Variants in TRO observed in about 807,000 individuals in gnomAD.
TRO encodes the protein MAGE superfamily protein.
A neutral mutation model predicts 42.3 loss-of-function variants in TRO; 29 were observed. That is an observed-to-expected ratio of 0.68 (90% confidence interval 0.51 to 0.93). The LOEUF is 0.93. TRO is among the 40% of genes least tolerant of loss of function. The pLI is 0.00. For synonymous variants in TRO, 384 were observed against 425.2 expected (o/e 0.90, Z 1.19); for missense variants, 963 against 1,127.7 (o/e 0.85, Z 2.09).
Position 54,927,129 on chromosome X carries a change from C to T in TRO, c.1763+24C>T, listed in dbSNP as rs773140285. ...AAGTAAGTGGTGTTTGGGGCTTTGT[C>T]TGGCCCTGAAGTGTTCTGGGTATAC... On this transcript the variant is annotated intron_variant, in intron 10 of 12. Coordinates refer to ENST00000173898, the MANE Select transcript of TRO (RefSeq NM_001039705.3). 2.5e-6 allele frequency: 3 copies of T among 1,206,904 alleles called. No individual in the cohort carries two copies. The African/African-American group carries it at 5.3e-5, about 21-fold the overall frequency.
At position 54,923,130 on chromosome X, in the gene TRO, A is replaced by T. The variant is rs909947910; in HGVS notation, c.598A>T (p.Ile200Phe). The change falls in exon 3 of 13, where the codon ATC becomes TTC. Residue 200 changes from isoleucine to phenylalanine, a missense_variant. By Grantham distance (21) the Ile-to-Phe change is conservative. Around this residue, in one of 2 missense-constraint regions of TRO, gnomAD observed 322 missense variants for 316.5 expected, o/e 1.02. Coordinates refer to ENST00000173898, the MANE Select transcript of TRO (RefSeq NM_001039705.3). ...CAGTTCCCAAGCCTTGATAACCTCT[A>T]TCAAGCCTAAGAAAGCTTCCAAGGC... Reference protein sequence around the residue: ...SASSQALITSIKPKKASKAKK... With the variant: ...SASSQALITSFKPKKASKAKK... 8.3e-7 allele frequency: 1 copy of T among 1,211,775 alleles called. No individual in the cohort carries two copies. The highest frequency in any genetic ancestry group is 2.2e-5 in the Admixed American group (1 of 46,040).
rs759120949 is a variant in TRO at position 54,922,267 on chromosome X, C to T, written c.21C>T (p.Tyr7=). 1 of 1,209,220 alleles carries T rather than the reference C, an allele frequency of 8.3e-7. No homozygotes were observed. The highest frequency in any genetic ancestry group is 1.1e-6 in the Non-Finnish European group (1 of 894,460). Residue 7 remains tyrosine, a synonymous_variant, in exon 2 of 13, where the codon TAC becomes TAT. Transcript: ENST00000173898. MDRRND[Y]GYRVPLFQGP... ...GAAAGATGGATAGGAGAAATGACTA[C>T]GGATATAGGGTGCCTCTATTTCAGG... is the stretch of plus-strand genomic sequence containing the variant.
rs767529774 is a variant in TRO at position 54,923,562 on chromosome X, C to T, written c.1030C>T (p.Arg344Trp). 51 of 1,193,420 alleles carry T rather than the reference C, an allele frequency of 4.3e-5. No homozygotes were observed. Among genetic ancestry groups the T allele is most frequent in the South Asian group, 1.1e-4 (6 of 54,773 alleles). ...TLRVKRGSRA[R>W]KAATKARATE... Reference sequence around the variant, plus strand: ...GCGGGTCAAGAGAGGGTCTAGGGCTCGGAAGGCTGCCACTAAGGCTCGGGC... The same window carrying T: ...GCGGGTCAAGAGAGGGTCTAGGGCTTGGAAGGCTGCCACTAAGGCTCGGGC... The change falls in exon 3 of 13, where the codon CGG becomes TGG. Residue 344 changes from arginine to tryptophan, a missense_variant. Coordinates refer to ENST00000173898, the MANE Select transcript of TRO (RefSeq NM_001039705.3).
Position 54,929,315 on chromosome X carries a change from G to C in TRO, c.2591G>C (p.Ser864Thr). 3.3e-6 allele frequency: 4 copies of C among 1,212,310 alleles called. No homozygotes were observed. Among genetic ancestry groups the C allele is most frequent in the Non-Finnish European group, 4.5e-6 (4 of 895,591 alleles). Residue 864 changes from serine (S) to threonine (T), a missense_variant, in exon 12 of 13, where the codon AGC (serine) becomes ACC (threonine). Ser to Thr is a moderately conservative substitution (Grantham distance 58). Transcript: ENST00000173898. ...STTAGFSGVL[S>T]TSTSFGSAPT... ...ACGGCTGGCTTTAGTGGTGTACTCAGCACTAGCACCAGCTTTGGCAGTGCA... is the reference window on the plus strand; with the variant it reads ...ACGGCTGGCTTTAGTGGTGTACTCACCACTAGCACCAGCTTTGGCAGTGCA...
intron 2 of TRO, 135 bp downstream of exon 2, chrX:54,922,426 A>G: frequency 4.4e-6 from 4 of 916,787 alleles, no homozygotes; most frequent in Non-Finnish European, 6.0e-6. Context: ...ATGGTGAAGG[A>G]GAGGAGAGGA....
Position 54,930,249 on chromosome X carries a change from C to T in TRO, c.3525C>T (p.Thr1175=). 1 of 1,212,331 alleles carries T rather than the reference C, an allele frequency of 8.2e-7. No homozygotes were observed. Among genetic ancestry groups the T allele is most frequent in the Non-Finnish European group, 1.1e-6 (1 of 895,592 alleles). Residue 1175 remains threonine, a synonymous_variant, in exon 12 of 13, where the codon ACC becomes ACT. Transcript: ENST00000173898. ...TATGCTTTGGTGGCCCTCCTAGCAC[C>T]AGTGCCTGCTTTAGTGGTGCTACCA... ...TNLCFGGPPS[T]SACFSGATSP... is the part of the protein sequence containing the mutation.
At position 54,926,607 on chromosome X, in the gene TRO, A is replaced by T. The variant is rs1362382280; in HGVS notation, c.1682A>T (p.Lys561Met). ...SEAVIWEVLR[K>M]LGLRPGVRHS... ...GCTGTCATCTGGGAGGTGCTGCGCA[A>T]GTTGGGGCTGCGCCCTGGGTATGAC... The change falls in exon 9 of 13, where the codon AAG becomes ATG. Residue 561 changes from lysine (K) to methionine (M), a missense_variant. This residue lies in a region of TRO where 641 missense variants were observed against 811.3 expected (regional missense o/e 0.79). Transcript: ENST00000173898. 8.3e-7 allele frequency: 1 copy of T among 1,209,755 alleles called. No individual in the cohort carries two copies. Among genetic ancestry groups the T allele is most frequent in the Non-Finnish European group, 1.1e-6 (1 of 895,223 alleles).
In TRO at chrX:54,923,354, T is replaced by C; in HGVS notation, c.822T>C (p.His274=). The change falls in exon 3 of 13, where the codon CAT becomes CAC. Residue 274 remains histidine, a synonymous_variant. Transcript: ENST00000173898. ...IAKVINTDTE[H]IEALNVTDAA... is the part of the protein sequence containing the mutation. The stretch of plus-strand genomic sequence containing the variant: ...AGGTCATAAATACTGACACTGAGCA[T>C]ATAGAGGCTCTAAATGTCACTGACG... 8.3e-7 allele frequency: 1 copy of C among 1,208,487 alleles called. No homozygotes were observed. The highest frequency in any genetic ancestry group is 3.0e-5 in the East Asian group (1 of 33,755).
Position 54,930,113 on chromosome X carries a change from G to A in TRO, c.3389G>A (p.Gly1130Asp), listed in dbSNP as rs1428135766. 7 of 1,211,195 alleles carry A rather than the reference G, an allele frequency of 5.8e-6. No individual in the cohort carries two copies. Among genetic ancestry groups the A allele is most frequent in the Non-Finnish European group, 7.8e-6 (7 of 895,307 alleles). ...GGTPSNSIGFGAAPSTSVSFG... is the reference protein window; with the variant it reads ...GGTPSNSIGFDAAPSTSVSFG... ...ACTCCCAGCAACAGCATTGGCTTTG[G>A]TGCTGCTCCCAGCACCAGTGTCAGC... is the stretch of plus-strand genomic sequence containing the variant. The change falls in exon 12 of 13, where the codon GGT (glycine) becomes GAT (aspartate). Residue 1130 changes from glycine to aspartate, a missense_variant. Transcript: ENST00000173898.
rs765236006 is a variant in TRO at position 54,923,081 on chromosome X, C to T, written c.549C>T (p.His183=). The T allele has an allele frequency of 2.7e-5, 33 of 1,210,328 alleles. No homozygotes were observed. The highest frequency in any genetic ancestry group is 7.0e-5 in the African/African-American group (4 of 57,246). ...LKLPVISQNI[H]APIANESASS... ...TACCAGTCATCTCACAGAATATTCA[C>T]GCTCCAATTGCCAATGAGTCAGCCA... The change falls in exon 3 of 13, where the codon CAC becomes CAT. Residue 183 remains histidine (H), a synonymous_variant. Transcript: ENST00000173898.
At position 54,929,908 on chromosome X, in the gene TRO, G is replaced by A; in HGVS notation, c.3184G>A (p.Ala1062Thr). 8.3e-7 allele frequency: 1 copy of A among 1,211,527 alleles called. No individual in the cohort carries two copies. The highest frequency in any genetic ancestry group is 1.1e-6 in the Non-Finnish European group (1 of 895,239). The stretch of plus-strand genomic sequence containing the variant: ...CAGCACCAGTGCTGGCTTTGGTGGT[G>A]CACTCAACACCAATGCCAGCTTTGG... ...SPSTSAGFGG[A>T]LNTNASFGCA... The change falls in exon 12 of 13, where the codon GCA (alanine) becomes ACA (threonine). Residue 1062 changes from alanine (A) to threonine (T), a missense_variant. Ala to Thr is a moderately conservative substitution (Grantham distance 58, BLOSUM62 0). Transcript: ENST00000173898.
At position 54,924,492 on chromosome X, in the gene TRO, C is replaced by T; in HGVS notation, c.1278C>T (p.Tyr426=). ...LNGDERSGSN[Y]RRIPWGRRPA... is the part of the protein sequence containing the mutation. The stretch of plus-strand genomic sequence containing the variant: ...GGGATGAGAGAAGTGGCAGTAATTA[C>T]AGGCGGATCCCATGGGGCCGGAGGC... The change falls in exon 4 of 13, where the codon TAC becomes TAT. Residue 426 remains tyrosine (Y), a synonymous_variant. Transcript: ENST00000173898. 2.5e-6 allele frequency: 3 copies of T among 1,208,923 alleles called. No individual in the cohort carries two copies. Among genetic ancestry groups the T allele is most frequent in the Non-Finnish European group, 3.4e-6 (3 of 894,291 alleles).
rs1339022373 is a variant in TRO at position 54,922,918 on chromosome X, C to T, written c.386C>T (p.Ala129Val). 2 of 1,211,816 alleles carry T rather than the reference C, an allele frequency of 1.7e-6. No homozygotes were observed. The highest frequency in any genetic ancestry group is 2.2e-6 in the Non-Finnish European group (2 of 895,532). Residue 129 changes from alanine to valine, a missense_variant, in exon 3 of 13, where the codon GCT (alanine) becomes GTT (valine). Coordinates refer to ENST00000173898, the MANE Select transcript of TRO (RefSeq NM_001039705.3). ...ACCACTGAGGTAACCAATACTCAGG[C>T]TTCTTCAGTCACTGCTCAGCCTAAG... ...LPTTEVTNTQ[A>V]SSVTAQPKKA...
Position 54,930,398 on chromosome X carries a change from C to T in TRO, c.3674C>T (p.Thr1225Ile). 2 of 1,212,214 alleles carry T rather than the reference C, an allele frequency of 1.6e-6. No individual in the cohort carries two copies. Among genetic ancestry groups the T allele is most frequent in the Non-Finnish European group, 2.2e-6 (2 of 895,574 alleles). The change falls in exon 12 of 13, where the codon ACC (threonine) becomes ATC (isoleucine). Residue 1225 changes from threonine (T) to isoleucine (I), a missense_variant. Physicochemically the swap from Thr to Ile is moderately conservative, Grantham distance 89 (BLOSUM62 -1). This residue lies in a region of TRO where 641 missense variants were observed against 811.3 expected (regional missense o/e 0.79). Transcript: ENST00000173898. Reference protein sequence around the residue: ...TSAGFGGGLGTSAGFSGGLST... With the variant: ...TSAGFGGGLGISAGFSGGLST... ...GCTGGCTTTGGTGGTGGCCTAGGCA[C>T]CAGTGCTGGCTTCAGTGGTGGCCTA...
Position 54,927,572 on chromosome X carries a change from G to C in TRO, c.1764-95G>C, listed in dbSNP as rs758769906. Reference sequence around the variant, plus strand: ...TCTTAGAAATCCCTCTCCAGGGGCTGTTTGTATTTGTTTGGAGGAGGTTGC... The same window carrying C: ...TCTTAGAAATCCCTCTCCAGGGGCTCTTTGTATTTGTTTGGAGGAGGTTGC... On this transcript the variant is annotated intron_variant, in intron 10 of 12. Coordinates refer to ENST00000173898, the MANE Select transcript of TRO (RefSeq NM_001039705.3). The C allele has an allele frequency of 6.7e-6, 4 of 592,809 alleles. No homozygotes were observed. The East Asian group carries it at 1.4e-4, about 21-fold the overall frequency. 48.9% of individuals were successfully genotyped at this position (592,809 alleles called of 1,213,427 possible). A position where few individuals can be genotyped will look rare whatever the true frequency, so the allele number is the denominator to read the frequency against.
Position 54,929,922 on chromosome X carries a change from T to C in TRO, c.3198T>C (p.Asn1066=), listed in dbSNP as rs1239195359. The change falls in exon 12 of 13, where the codon AAT becomes AAC. Residue 1066 remains asparagine (N), a synonymous_variant. Coordinates refer to ENST00000173898, the MANE Select transcript of TRO (RefSeq NM_001039705.3). ...SAGFGGALNT[N]ASFGCAVSTS... ...GCTTTGGTGGTGCACTCAACACCAA[T>C]GCCAGCTTTGGCTGTGCCGTCAGCA... 8.3e-7 allele frequency: 1 copy of C among 1,208,421 alleles called. No individual in the cohort carries two copies. Among genetic ancestry groups the C allele is most frequent in the Admixed American group, 2.2e-5 (1 of 45,847 alleles).
At position 54,923,213 on chromosome X, in the gene TRO, T is replaced by A; in HGVS notation, c.681T>A (p.Thr227=). 8.3e-7 allele frequency: 1 copy of A among 1,211,365 alleles called. No individual in the cohort carries two copies. Among genetic ancestry groups the A allele is most frequent in the Non-Finnish European group, 1.1e-6 (1 of 895,427 alleles). ...CCACCGAGGTCTCGCTGGCTGCAAC[T>A]GCCACCCATACAGCTACCACCCAAG... ...ASATEVSLAA[T]ATHTATTQGQ... Residue 227 remains threonine (T), a synonymous_variant, in exon 3 of 13, where the codon ACT becomes ACA. Coordinates refer to ENST00000173898, the MANE Select transcript of TRO (RefSeq NM_001039705.3).
rs1163420102 is a variant in TRO at position 54,922,873 on chromosome X, A to G, written c.341A>G (p.Gln114Arg). 1 of 1,211,654 alleles carries G rather than the reference A, an allele frequency of 8.3e-7. No homozygotes were observed. Among genetic ancestry groups the G allele is most frequent in the Non-Finnish European group, 1.1e-6 (1 of 895,400 alleles). ...GCTTTAAACCTGCCAGTCATTACCC[A>G]GATCAGCCAGGCTTTACCTACCACT... Reference protein sequence around the residue: ...WQALNLPVITQISQALPTTEV... With the variant: ...WQALNLPVITRISQALPTTEV... The change falls in exon 3 of 13, where the codon CAG (glutamine) becomes CGG (arginine). Residue 114 changes from glutamine (Q) to arginine (R), a missense_variant. Around this residue, in one of 2 missense-constraint regions of TRO, gnomAD observed 322 missense variants for 316.5 expected, o/e 1.02. Transcript: ENST00000173898.
At position 54,926,658 on chromosome X, in the gene TRO, G is replaced by A. The variant is rs780982388; in HGVS notation, c.1700+33G>A. ...TGGGCTCTCTCAGCGCTTGCTGTCC[G>A]TGTTGTCCTTTGGCAAGAGAGGATG... On this transcript the variant is annotated intron_variant, in intron 9 of 12. Coordinates refer to ENST00000173898, the MANE Select transcript of TRO (RefSeq NM_001039705.3). 2.8e-5 allele frequency: 34 copies of A among 1,208,712 alleles called. No individual in the cohort carries two copies. The Admixed American group carries it at 3.3e-4, about 12-fold the overall frequency.
Sources: allele counts gnomAD v4.1 joint callset, GRCh38; gene constraint gnomAD v4.1.1; regional missense constraint gnomAD v4.1.1; transcripts MANE v1.5; gene names NCBI Gene and HGNC (gene_info 2026-07-23, HGNC 2026-07-21).